Variants in SLC4A5 observed in about 807,000 individuals in gnomAD.
SLC4A5 encodes the protein solute carrier family 4 member 5, also known as electrogenic sodium bicarbonate cotransporter 4.
In SLC4A5, 96 loss-of-function variants were observed where a neutral mutation model predicts 120.4. That is an observed-to-expected ratio of 0.80 (90% CI 0.68 to 0.94). SLC4A5 has a LOEUF of 0.94. Among genes scored for constraint, SLC4A5 ranks in the 40% least tolerant of loss-of-function variants. The pLI is 0.00. For synonymous variants in SLC4A5, 550 were observed against 571.1 expected, an observed-to-expected ratio of 0.96 and a Z score of 0.53; for missense variants, 1,259 against 1,459.5, an observed-to-expected ratio of 0.86 and a Z score of 2.24.
At chr2:74,304,034 A>G (rs975376762) in intron 7 of SLC4A5, among the ~76,000 whole-genome samples, 3 of 151,798 alleles carry the variant, frequency 2.0e-5, no homozygotes, top group Non-Finnish European at 2.9e-5. Context: ...TATTTTTAGT[A>G]GAGACGGGGT....
intron 7 of SLC4A5, among the ~76,000 whole-genome samples, chr2:74,301,341 G>T (rs1022654229): frequency 6.6e-6 from 1 of 152,206 alleles, no homozygotes; most frequent in Non-Finnish European, 1.5e-5. Flanking sequence ...AACTGAAGGG[G>T]TCTCTGCTCA....
intron 25 of SLC4A5, among the ~76,000 whole-genome samples, chr2:74,229,882 T>TG (rs1491586741): frequency 7.3e-4 from 62 of 85,182 alleles, no homozygotes; most frequent in African/African-American, 4.7e-3. Flanking sequence ...CTGAATGAGG[T>TG]TTTTTTTTTT....
At chr2:74,326,243 C>T (rs994631962) in intron 5 of SLC4A5, among the ~76,000 whole-genome samples, 2 of 152,210 alleles carry the variant, frequency 1.3e-5, no homozygotes, top group Middle Eastern at 3.2e-3. Context: ...TCATCCACTA[C>T]AATATCTTGC....
chr2:74,321,942 T>G (rs977095306), intron 5 of SLC4A5, among the ~76,000 whole-genome samples: 32 of 152,010 alleles, frequency 2.1e-4, no homozygotes, highest in African/African-American at 7.5e-4. Flanking sequence ...GGTAAGACTT[T>G]CAGGAAAGCT....
chr2:74,226,141 A>G (rs1694834592), intron 27 of SLC4A5, among the ~76,000 whole-genome samples: 1 of 151,946 alleles, frequency 6.6e-6, no homozygotes, highest in Non-Finnish European at 1.5e-5. Flanking sequence ...GGGTTTCCCT[A>G]GAGATTCTGA....
intron 8 of SLC4A5, among the ~76,000 whole-genome samples, chr2:74,265,683 CAT>C (rs373247618): frequency 6.6e-5 from 10 of 152,314 alleles, no homozygotes; most frequent in South Asian, 4.2e-4. Flanking sequence ...GCTGTTCACA[CAT>C]GAGTGTTCAG....
intron 8 of SLC4A5, 152 bp from the exon 9 acceptor site, chr2:74,265,416 ATCCCCTCATTTG>A (rs1671273241): frequency 1.1e-6 from 1 of 904,728 alleles, no homozygotes; most frequent in East Asian, 2.6e-5. Context: ...TCTCTTGGGG[ATCCCCTCATTTG>A]TCCCCCACTC....
chr2:74,316,183 T>A (rs959174558), intron 5 of SLC4A5, among the ~76,000 whole-genome samples: 4 of 151,628 alleles, frequency 2.6e-5, no homozygotes, highest in African/African-American at 9.7e-5. Flanking sequence ...ACAAAAACAA[T>A]AGAAGTATCA....
chr2:74,221,873 G>A (rs547371907), intron 29 of SLC4A5, among the ~76,000 whole-genome samples: 1 of 152,214 alleles, frequency 6.6e-6, no homozygotes, highest in Admixed American at 6.5e-5. Context: ...CACGGGGCTC[G>A]GGACTAAGGT....
intron 30 of SLC4A5, among the ~76,000 whole-genome samples, chr2:74,219,347 C>G (rs1694549765): frequency 6.6e-6 from 1 of 152,124 alleles, no homozygotes; most frequent in South Asian, 2.1e-4. Context: ...AACGAGGCTA[C>G]TCCCTCCCTG....
chr2:74,265,104 C>T (rs754929547), exon 9 of SLC4A5: 5 of 1,613,128 alleles, frequency 3.1e-6, no homozygotes, highest in Non-Finnish European at 3.4e-6. Flanking sequence ...CCTGCCTCAC[C>T]TATGATCTGT....
chr2:74,341,440 C>T (rs1235988065), intron 2 of SLC4A5, among the ~76,000 whole-genome samples: 1 of 152,142 alleles, frequency 6.6e-6, no homozygotes, highest in Non-Finnish European at 1.5e-5. Flanking sequence ...AATTAACACG[C>T]ATCTGTTAAA....
chr2:74,292,428 C>A (rs1200149386), intron 7 of SLC4A5, among the ~76,000 whole-genome samples: 1 of 152,208 alleles, frequency 6.6e-6, no homozygotes, highest in Non-Finnish European at 1.5e-5. Context: ...TGCTGGGCCA[C>A]TGGGTCAGGG....
chr2:74,306,442 C>T (rs146104052), intron 6 of SLC4A5, among the ~76,000 whole-genome samples: 1 of 152,162 alleles, frequency 6.6e-6, no homozygotes, highest in Non-Finnish European at 1.5e-5. Context: ...TAAGAGAGAG[C>T]GCTTCTGACC....
At chr2:74,221,065 G>C (rs191191938) in intron 30 of SLC4A5, among the ~76,000 whole-genome samples, 65 of 150,016 alleles carry the variant, frequency 4.3e-4, no homozygotes, top group African/African-American at 1.4e-3. Context: ...GGATGGTCTC[G>C]ATCTCCTGAC....
At chr2:74,232,533 C>T (rs761652021) in exon 24 of SLC4A5, 10 of 1,613,930 alleles carry the variant, frequency 6.2e-6, no homozygotes, top group South Asian at 5.5e-5. Flanking sequence ...TTGAGGCTGT[C>T]GATGTGGGCG....
chr2:74,237,003 GTC>G (rs919839199), intron 21 of SLC4A5, among the ~76,000 whole-genome samples: 2 of 145,060 alleles, frequency 1.4e-5, no homozygotes, highest in Non-Finnish European at 3.0e-5. Context: ...TTGAGACAGA[GTC>G]TCTCTCTGTC....
chr2:74,327,360 G>A (rs1439640375), intron 5 of SLC4A5, among the ~76,000 whole-genome samples: 1 of 152,066 alleles, frequency 6.6e-6, no homozygotes, highest in East Asian at 1.9e-4. Flanking sequence ...CTTCCCCAAG[G>A]GCTTATCTGG....
At chr2:74,239,784 C>T (rs1019378794) in intron 20 of SLC4A5, among the ~76,000 whole-genome samples, 3 of 78,078 alleles carry the variant, frequency 3.8e-5, no homozygotes, top group African/African-American at 1.9e-4. Flanking sequence ...AGGAAAAGTG[C>T]AGAGGCAGGA....
Sources: allele counts gnomAD v4.1 joint callset (sites outside exome capture counted in the v4.1 genomes callset), GRCh38; gene constraint gnomAD v4.1.1; transcripts MANE v1.5; gene names NCBI Gene and HGNC (gene_info 2026-07-23, HGNC 2026-07-21).